Variants in TADA2A observed in about 807,000 individuals in gnomAD.
TADA2A encodes transcriptional adapter 2-alpha.
TADA2A carries 38 observed loss-of-function variants against 67.4 expected under a neutral mutation model. That is an observed-to-expected ratio of 0.56 (90% CI 0.44 to 0.74). The LOEUF is 0.74. TADA2A is among the 30% of genes least tolerant of loss of function. TADA2A has a pLI of 0.00. For missense variants in TADA2A, 454 were observed against 547.0 expected (o/e 0.83, Z 1.70); for synonymous variants, 192 against 181.6 (o/e 1.06, Z -0.46).
chr17:37,473,127 A>ATT (rs1020173351), intron 14 of TADA2A, among the ~76,000 whole-genome samples: 10,908 of 85,430 alleles, frequency 0.13, 687 homozygotes, highest in Admixed American at 0.19. Context: ...ACCTGGAGAA[A>ATT]TTTTTTTTTT....
intron 4 of TADA2A, among the ~76,000 whole-genome samples, chr17:37,434,378 G>C (rs1291517629): frequency 6.6e-6 from 1 of 152,218 alleles, no homozygotes; most frequent in Non-Finnish European, 1.5e-5. Flanking sequence ...GTGGGAAGGG[G>C]TACGGAGCTT....
At chr17:37,459,946 G>A (rs1249559430) in intron 9 of TADA2A, among the ~76,000 whole-genome samples, 3 of 151,412 alleles carry the variant, frequency 2.0e-5, no homozygotes, top group Admixed American at 6.6e-5. Flanking sequence ...CATGCCTGTA[G>A]TCCAAGCTAC....
intron 13 of TADA2A, among the ~76,000 whole-genome samples, chr17:37,470,891 A>G (rs2053773356): frequency 6.6e-6 from 1 of 152,104 alleles, no homozygotes; most frequent in South Asian, 2.1e-4. Flanking sequence ...GCTCTTCTTA[A>G]CAAATCTGAG....
intron 10 of TADA2A, among the ~76,000 whole-genome samples, chr17:37,462,723 G>T (rs893539011): frequency 1.3e-5 from 2 of 152,132 alleles, no homozygotes; most frequent in African/African-American, 4.8e-5. Context: ...AATTTGTATA[G>T]TAATTACAGT....
Position 37,414,308 on chromosome 17 carries a change from T to G in TADA2A, c.25+2918T>G, listed in dbSNP as rs149368412. Among the ~76,000 whole-genome samples, 661 of 152,280 alleles carry G rather than the reference T, an allele frequency of 4.3e-3. 6 individuals carry two copies. The highest frequency in any genetic ancestry group is 8.2e-3 in the Admixed American group (126 of 15,278). Reference sequence around the variant, plus strand: ...CATGGATTATTCCAAATTTGGCCACTGGGAGTCCCTTCAAATGGGCTCCTA... The same window carrying G: ...CATGGATTATTCCAAATTTGGCCACGGGGAGTCCCTTCAAATGGGCTCCTA... On this transcript the variant is annotated intron_variant, in intron 2 of 15. Coordinates refer to ENST00000615182, the MANE Select transcript of TADA2A (RefSeq NM_001166105.3).
At chr17:37,463,081 T>TC (rs2053584649) in intron 10 of TADA2A, among the ~76,000 whole-genome samples, 1 of 151,950 alleles carries the variant, frequency 6.6e-6, no homozygotes, top group Admixed American at 6.6e-5. Context: ...CAAGTGATCC[T>TC]CCCACCTCAG....
chr17:37,470,911 T>A (rs2053773484), intron 13 of TADA2A, among the ~76,000 whole-genome samples, 183 bp from the exon 14 acceptor site: 2 of 152,288 alleles, frequency 1.3e-5, no homozygotes, highest in Non-Finnish European at 2.9e-5. Context: ...GGAATTTTTC[T>A]TCCTCAGAAC....
chr17:37,465,126 A>G (rs2053635605), intron 10 of TADA2A, among the ~76,000 whole-genome samples: 1 of 151,272 alleles, frequency 6.6e-6, no homozygotes, highest in African/African-American at 2.4e-5. Flanking sequence ...CCAGCCTGGG[A>G]GACAGAGCGA....
rs375609348 is a variant in TADA2A at position 37,471,135 on chromosome 17, C to G, written c.1070C>G (p.Ser357Ter). The change falls in exon 14 of 16, where the codon TCA (serine) becomes TGA (stop). Residue 357 changes from serine to a stop codon, truncating the protein, a stop_gained and splice_region_variant. Coordinates refer to ENST00000615182, the MANE Select transcript of TADA2A (RefSeq NM_001166105.3). LOFTEE classifies it high-confidence loss of function. ...CCTTCCATTCCAATGGCTTCGAATT[C>G]AGGTAATTATTTCTCAGGCCAGAAC... The part of the protein sequence containing the change: ...LSPSIPMASN[S>*]GRRSAPPLNL... 3.6e-5 allele frequency: 58 copies of G among 1,613,876 alleles called. No homozygotes were observed. Among genetic ancestry groups the G allele is most frequent in the Non-Finnish European group, 4.5e-5 (53 of 1,179,980 alleles).
chr17:37,434,441 G>A (rs1415270068), intron 4 of TADA2A, among the ~76,000 whole-genome samples: 1 of 152,192 alleles, frequency 6.6e-6, no homozygotes, highest in Non-Finnish European at 1.5e-5. Flanking sequence ...CAGCAGCCCG[G>A]AAGCTCCTCG....
At chr17:37,432,046 C>G (rs1385708421) in intron 4 of TADA2A, among the ~76,000 whole-genome samples, 1 of 151,824 alleles carries the variant, frequency 6.6e-6, no homozygotes, top group Admixed American at 6.6e-5. Flanking sequence ...AATCACTGTT[C>G]TGATTTTTTT....
chr17:37,443,368 C>T (rs2052979858), intron 7 of TADA2A, among the ~76,000 whole-genome samples: 1 of 151,828 alleles, frequency 6.6e-6, no homozygotes, highest in Admixed American at 6.6e-5. Flanking sequence ...ATTCTCCTGT[C>T]TCAGCCTCCC....
chr17:37,478,674 C>T lies in TADA2A; in HGVS notation c.*1692C>T, dbSNP rs1048351673. ...ACAAAGTTGTATATAGAAATAACTT[C>T]GTCAGAATCGACACAAATCACATCG... On this transcript the variant is annotated 3_prime_UTR_variant, in exon 16 of 16. Transcript: ENST00000615182. The T allele has an allele frequency of 6.6e-6, 1 of 152,174 alleles. No individual in the cohort carries two copies. Among genetic ancestry groups the T allele is most frequent in the African/African-American group, 2.4e-5 (1 of 41,442 alleles). The allele number at this position is 152,174 out of a possible 1,614,324, so 9.4% of individuals were successfully genotyped here. A position where few individuals can be genotyped will look rare whatever the true frequency, so the allele number is the denominator to read the frequency against.
At chr17:37,432,357 G>A (rs183203361) in intron 4 of TADA2A, among the ~76,000 whole-genome samples, 71 of 151,150 alleles carry the variant, frequency 4.7e-4, no homozygotes, top group African/African-American at 1.6e-3. Context: ...AGTAGAGACG[G>A]GGTTTCACCA....
At chr17:37,437,610 C>T (rs2052770340) in intron 4 of TADA2A, 128 bp from the exon 5 acceptor site, 3 of 720,472 alleles carry the variant, frequency 4.2e-6, no homozygotes, top group South Asian at 3.5e-5. Flanking sequence ...TGGTCTCGAA[C>T]TCCTGACCTC....
chr17:37,456,476 A>G (rs1296180062), intron 8 of TADA2A, among the ~76,000 whole-genome samples: 1 of 152,182 alleles, frequency 6.6e-6, no homozygotes, highest in African/African-American at 2.4e-5. Context: ...GCTAGGGAAT[A>G]GGATTAGGGA....
At chr17:37,409,226 T>C (rs1238557467) in intron 1 of TADA2A, among the ~76,000 whole-genome samples, 3 of 151,912 alleles carry the variant, frequency 2.0e-5, no homozygotes, top group South Asian at 2.1e-4. Flanking sequence ...GCTGGGATTA[T>C]AGGCGCCCGC....
intron 11 of TADA2A, among the ~76,000 whole-genome samples, chr17:37,466,003 T>C (rs925692588): frequency 3.3e-5 from 5 of 152,336 alleles, no homozygotes; most frequent in African/African-American, 9.6e-5. Flanking sequence ...AAAGTAGTTT[T>C]AAAAATGAGG....
chr17:37,459,605 GAGAC>G (rs889783904), intron 9 of TADA2A, among the ~76,000 whole-genome samples: 3 of 134,054 alleles, frequency 2.2e-5, no homozygotes, highest in Non-Finnish European at 4.7e-5. Flanking sequence ...TGTTAAATAA[GAGAC>G]AGAGTCTCAC....
Sources: allele counts gnomAD v4.1 joint callset (sites outside exome capture counted in the v4.1 genomes callset), GRCh38; gene constraint gnomAD v4.1.1; transcripts MANE v1.5; gene names NCBI Gene and HGNC (gene_info 2026-07-23, HGNC 2026-07-21).